ADH5: variants seen among roughly 807,000 people sequenced by gnomAD.
ADH5 encodes the protein alcohol dehydrogenase 5 (class III), chi polypeptide, also known as alcohol dehydrogenase class-3.
In ADH5, 32 loss-of-function variants were observed where a neutral mutation model predicts 40.3. The ratio of observed to expected loss-of-function variants is 0.79; its 90% CI spans 0.60 to 1.07. The LOEUF is 1.07. Ranked by LOEUF, ADH5 falls within the 50% of genes least tolerant of loss-of-function variation. The pLI, the probability that ADH5 is intolerant of heterozygous loss-of-function variation, is 0.00. For missense variants in ADH5, 353 were observed against 460.5 expected (o/e 0.77, Z 2.14); for synonymous variants, 125 against 154.3 (o/e 0.81, Z 1.41).
Position 99,071,048 on chromosome 4 carries a change from T to C in ADH5, c.*1369A>G, listed in dbSNP as rs1727825271. On this transcript the variant is annotated 3_prime_UTR_variant, in exon 9 of 9. Coordinates refer to ENST00000296412, the MANE Select transcript of ADH5 (RefSeq NM_000671.4). The stretch of plus-strand genomic sequence containing the variant: ...TAAAAAGAAAAGTCACAAGATAGAC[T>C]AGAAGATATTTGCAACATATAAAAC... The C allele has an allele frequency of 6.6e-6, 1 of 152,154 alleles. No individual in the cohort carries two copies. The highest frequency in any genetic ancestry group is 2.1e-4 in the South Asian group (1 of 4,832). The allele number at this position is 152,154 out of a possible 1,614,324, so 9.4% of individuals were successfully genotyped here.
In ADH5 at chr4:99,071,682, A is replaced by G. The variant is rs943375262; in HGVS notation, c.*735T>C. On this transcript the variant is annotated 3_prime_UTR_variant, in exon 9 of 9. Transcript: ENST00000296412. ...TGGATAATTGTTACCTCTGGAGGGG[A>G]GGAATGGCAATGTGATCTCGAAGTG... 2.6e-5 allele frequency: 4 copies of G among 152,230 alleles called. No individual in the cohort carries two copies. The highest frequency in any genetic ancestry group is 9.7e-5 in the African/African-American group (4 of 41,446). 9.4% of individuals were successfully genotyped at this position (152,230 alleles called of 1,614,324 possible).
chr4:99,076,233 A>G, intron 6 of ADH5, 59 bp downstream of exon 6: 2 of 1,567,134 alleles, frequency 1.3e-6, no homozygotes, highest in Non-Finnish European at 1.7e-6. Flanking sequence ...TTTTAATCTA[A>G]AACTGCACTT....
intron 4 of ADH5, among the ~76,000 whole-genome samples, chr4:99,079,336 A>T (rs1338933997): frequency 3.3e-5 from 5 of 150,120 alleles, no homozygotes; most frequent in African/African-American, 1.2e-4. Context: ...ACTGACGCAT[A>T]TGCAGCTTGG....
intron 6 of ADH5, 177 bp downstream of exon 6, chr4:99,076,115 T>G: frequency 1.1e-5 from 7 of 630,204 alleles, no homozygotes; most frequent in East Asian, 2.8e-5. Context: ...CATCCTTCCC[T>G]GAGCTGTTCT....
At position 99,088,680 on chromosome 4, in the gene ADH5, G is replaced by A. The variant is rs758146818; in HGVS notation, c.12+9C>T. The A allele has an allele frequency of 5.0e-6, 8 of 1,606,112 alleles. No individual in the cohort carries two copies. The Admixed American group carries it at 5.0e-5, about 10-fold the overall frequency. The stretch of plus-strand genomic sequence containing the variant: ...TTGGACTCAGGGCCCTCCGCTCAAC[G>A]GGCCCTACCTCGTTCGCCATGTTCA... On this transcript the variant is annotated intron_variant, in intron 1 of 8. Transcript: ENST00000296412.
intron 7 of ADH5, among the ~76,000 whole-genome samples, chr4:99,073,320 A>C (rs966119752): frequency 1.3e-5 from 2 of 152,174 alleles, no homozygotes; most frequent in Admixed American, 6.5e-5. Context: ...CTGGGACTAC[A>C]GGCGCCTGCC....
chr4:99,072,752 C>T, intron 7 of ADH5, 41 bp from the exon 8 acceptor site: 3 of 1,578,064 alleles, frequency 1.9e-6, no homozygotes, highest in Non-Finnish European at 2.6e-6. Context: ...CAAATTTCTG[C>T]AGTATGCTTG....
In ADH5 at chr4:99,076,464, C is replaced by T. The variant is rs542524438; in HGVS notation, c.653G>A (p.Arg218Gln). ...IMGCKVAGAS[R>Q]IIGVDINKDK... ...TTTATTGATGTCCACACCAATGATC[C>T]GGGAAGCACCAGCCACTTTACAGCC... The change falls in exon 6 of 9, where the codon CGG becomes CAG. Residue 218 changes from arginine to glutamine, a missense_variant. By Grantham distance (43) the Arg-to-Gln change is conservative. Transcript: ENST00000296412. 1.1e-5 allele frequency: 18 copies of T among 1,614,028 alleles called. No individual in the cohort carries two copies. Among genetic ancestry groups the T allele is most frequent in the Middle Eastern group, 1.7e-4 (1 of 6,060 alleles).
Position 99,074,937 on chromosome 4 carries a change from G to A in ADH5, c.938C>T (p.Thr313Ile). The change falls in exon 7 of 9, where the codon ACA becomes ATA. Residue 313 changes from threonine (T) to isoleucine (I), a missense_variant. Physicochemically the swap from Thr to Ile is moderately conservative, Grantham distance 89 (BLOSUM62 -1). Transcript: ENST00000296412. Reference sequence around the variant, plus strand: ...ACCTCCAAAGGCAGTGCCTTTCCATGTGCGACCTGTTACCAGCTGGAATGG... The same window carrying A: ...ACCTCCAAAGGCAGTGCCTTTCCATATGCGACCTGTTACCAGCTGGAATGG... The part of the protein sequence containing the change: ...TRPFQLVTGR[T>I]WKGTAFGGWK... 1 of 1,612,580 alleles carries A rather than the reference G, an allele frequency of 6.2e-7. No homozygotes were observed. Among genetic ancestry groups the A allele is most frequent in the Non-Finnish European group, 8.5e-7 (1 of 1,179,036 alleles).
chr4:99,084,815 G>T (rs1438922407), intron 2 of ADH5, among the ~76,000 whole-genome samples: 1 of 152,104 alleles, frequency 6.6e-6, no homozygotes, highest in African/African-American at 2.4e-5. Flanking sequence ...CTAATCAGCA[G>T]AAAAATGAGT....
intron 7 of ADH5, 48 bp downstream of exon 7, chr4:99,074,866 A>G (rs1579360770): frequency 2.0e-6 from 3 of 1,531,934 alleles, no homozygotes; most frequent in Non-Finnish European, 2.6e-6. Context: ...ACATCTGCCA[A>G]TGCAACTAAC....
intron 7 of ADH5, 58 bp downstream of exon 7, chr4:99,074,856 A>G: frequency 6.6e-7 from 1 of 1,511,098 alleles, no homozygotes; most frequent in Non-Finnish European, 8.9e-7. Context: ...CTGGGATTAA[A>G]CATCTGCCAA....
At chr4:99,078,592 G>C (rs982379572) in intron 4 of ADH5, among the ~76,000 whole-genome samples, 1 of 152,002 alleles carries the variant, frequency 6.6e-6, no homozygotes, top group African/African-American at 2.4e-5. Context: ...TATAGAGAGG[G>C]GGTTTCACCA....
Position 99,088,730 on chromosome 4 carries a change from T to G in ADH5, c.-30A>C, listed in dbSNP as rs1728203971. On this transcript the variant is annotated 5_prime_UTR_variant, in exon 1 of 9. Coordinates refer to ENST00000296412, the MANE Select transcript of ADH5 (RefSeq NM_000671.4). ...ACGGATTCTGGTCGGCGCGGGGGGC[T>G]GACATCCGGGGTGGGCCGCGCAGCG... 1 of 1,543,200 alleles carries G rather than the reference T, an allele frequency of 6.5e-7. No individual in the cohort carries two copies. Among genetic ancestry groups the G allele is most frequent in the East Asian group, 2.7e-5 (1 of 36,634 alleles).
At chr4:99,081,221 C>T (rs896992) in intron 4 of ADH5, 144 bp downstream of exon 4, 370,345 of 516,232 alleles carry the variant, frequency 0.72, 132,969 homozygotes, top group East Asian at 1. Context: ...ACTCTTTGTT[C>T]GGGACTCAGT....
chr4:99,081,565 A>G (rs1308183877), intron 3 of ADH5, 113 bp from the exon 4 acceptor site: 7 of 750,140 alleles, frequency 9.3e-6, no homozygotes, highest in Non-Finnish European at 1.6e-5. Context: ...AAAAACTTCA[A>G]GTCTTAGAAC....
intron 4 of ADH5, chr4:99,079,863 AC>A (rs1423193703): frequency 1.3e-5 from 5 of 377,106 alleles, no homozygotes; most frequent in Non-Finnish European, 2.6e-5. Context: ...TCTCAGAAGC[AC>A]GTCTTTCCTT....
intron 4 of ADH5, chr4:99,080,309 CA>C (rs1728004784): frequency 5.0e-6 from 1 of 200,700 alleles, no homozygotes; most frequent in African/African-American, 2.4e-5. Context: ...AATGAGCCAA[CA>C]AATTTCCAGA....
Position 99,071,160 on chromosome 4 carries a change from G to A in ADH5, c.*1257C>T, listed in dbSNP as rs926804333. ...CAATACAAAGTTGAGCACAGGATATGAACAGGTTCTTCACAATAAAATGTC... is the reference window on the plus strand; with the variant it reads ...CAATACAAAGTTGAGCACAGGATATAAACAGGTTCTTCACAATAAAATGTC... On this transcript the variant is annotated 3_prime_UTR_variant, in exon 9 of 9. Coordinates refer to ENST00000296412, the MANE Select transcript of ADH5 (RefSeq NM_000671.4). 3 of 152,184 alleles carry A rather than the reference G, an allele frequency of 2.0e-5. No homozygotes were observed. The highest frequency in any genetic ancestry group is 4.8e-5 in the African/African-American group (2 of 41,448). 9.4% of individuals were successfully genotyped at this position (152,184 alleles called of 1,614,324 possible). A position where few individuals can be genotyped will look rare whatever the true frequency, so the allele number is the denominator to read the frequency against.
Sources: gnomAD v4.1 joint callset for allele counts (sites outside exome capture counted in the v4.1 genomes callset) on GRCh38, gnomAD v4.1.1 for gene constraint, MANE v1.5 for transcripts, NCBI Gene and HGNC (gene_info 2026-07-23, HGNC 2026-07-21) for gene names.